The following LHFPL4 variants were observed in gnomAD, a reference collection of about 807,000 sequenced individuals.
LHFPL4 encodes LHFPL tetraspan subfamily member 4 protein.
LHFPL4 carries 6 observed loss-of-function variants against 20.0 expected under a neutral mutation model. The observed-to-expected ratio is 0.30, with a 90% CI of 0.16 to 0.59. The LOEUF is 0.59. LHFPL4 is among the 20% of genes least tolerant of loss of function. The pLI is 0.88. For synonymous variants in LHFPL4, 129 were observed against 143.8 expected (o/e 0.90, Z 0.74); for missense variants, 215 against 331.2 (o/e 0.65, Z 2.72).
chr3:9,510,939 AAAATAAATAAAT>A (rs201323329), intron 2 of LHFPL4, among the ~76,000 whole-genome samples: 174 of 147,556 alleles, frequency 1.2e-3, no homozygotes, highest in East Asian at 3.2e-3. Context: ...CTCCATCTCA[AAAATAAATAAAT>A]AAATAAATAA....
chr3:9,540,675 T>C (rs902876313), intron 2 of LHFPL4, among the ~76,000 whole-genome samples: 3 of 151,976 alleles, frequency 2.0e-5, no homozygotes, highest in Non-Finnish European at 4.4e-5. Context: ...GGAGGACTGC[T>C]TGAGCTCAGG....
chr3:9,511,997 A>G (rs183255162), intron 2 of LHFPL4, among the ~76,000 whole-genome samples: 43 of 151,600 alleles, frequency 2.8e-4, no homozygotes, highest in African/African-American at 9.2e-4. Flanking sequence ...CAGTGGCGCA[A>G]TCTCGGCTCA....
intron 2 of LHFPL4, among the ~76,000 whole-genome samples, chr3:9,518,041 T>C (rs1371482771): frequency 6.6e-6 from 1 of 152,148 alleles, no homozygotes; most frequent in Non-Finnish European, 1.5e-5. Flanking sequence ...TTAAATATAA[T>C]GTCTGTTGTA....
At chr3:9,525,497 A>C (rs1202643023) in intron 2 of LHFPL4, among the ~76,000 whole-genome samples, 1 of 152,214 alleles carries the variant, frequency 6.6e-6, no homozygotes, top group Non-Finnish European at 1.5e-5. Flanking sequence ...TGGATCTAGC[A>C]AGAGTGTTTA....
chr3:9,531,853 C>T (rs960016628), intron 2 of LHFPL4, among the ~76,000 whole-genome samples: 20 of 151,068 alleles, frequency 1.3e-4, no homozygotes, highest in African/African-American at 4.9e-4. Flanking sequence ...AAGGAGAGTT[C>T]AAAGGAAGAT....
chr3:9,546,524 T>G (rs1305864911), intron 2 of LHFPL4, among the ~76,000 whole-genome samples: 1 of 152,056 alleles, frequency 6.6e-6, no homozygotes, highest in Non-Finnish European at 1.5e-5. Flanking sequence ...TGAATGAATG[T>G]GGTCAGAACC....
chr3:9,552,182 AATCT>A, intron 2 of LHFPL4, 88 bp downstream of exon 2: 1 of 1,488,826 alleles, frequency 6.7e-7, no homozygotes, highest in Non-Finnish European at 9.0e-7. Context: ...AGAGAAGCAG[AATCT>A]ATCCGACTCC....
At chr3:9,547,633 G>T (rs1392624954) in intron 2 of LHFPL4, among the ~76,000 whole-genome samples, 5 of 152,160 alleles carry the variant, frequency 3.3e-5, no homozygotes, top group African/African-American at 9.7e-5. Flanking sequence ...CTGGCACATT[G>T]GATATTCTTA....
At chr3:9,536,595 A>G (rs960199006) in intron 2 of LHFPL4, among the ~76,000 whole-genome samples, 1 of 152,110 alleles carries the variant, frequency 6.6e-6, no homozygotes, top group Non-Finnish European at 1.5e-5. Context: ...CCTTCAAACT[A>G]GTTTCTCTGC....
chr3:9,512,725 A>G (rs2046269420), intron 2 of LHFPL4, among the ~76,000 whole-genome samples: 1 of 152,160 alleles, frequency 6.6e-6, no homozygotes, highest in South Asian at 2.1e-4. Context: ...ATATAAACAG[A>G]TTCATAAGGA....
chr3:9,539,820 T>A (rs577217738), intron 2 of LHFPL4, among the ~76,000 whole-genome samples: 1 of 151,948 alleles, frequency 6.6e-6, no homozygotes, highest in Non-Finnish European at 1.5e-5. Context: ...AGTTTAAAAA[T>A]ATATATATAA....
chr3:9,549,156 GA>G (rs1389882378), intron 2 of LHFPL4, among the ~76,000 whole-genome samples: 1 of 152,064 alleles, frequency 6.6e-6, no homozygotes, highest in Non-Finnish European at 1.5e-5. Context: ...ATTTGCCACT[GA>G]AAAACTGCTG....
At position 9,511,299 on chromosome 3, in the gene LHFPL4, G is replaced by A. The variant is rs912495410; in HGVS notation, c.407-5096C>T. ...CCAGGAGATGGAGCTTGCAGTGAGC[G>A]GGGATCATGCCACTGCACTCCAGCC... On this transcript the variant is annotated intron_variant, in intron 2 of 3. Transcript: ENST00000287585. 1.2e-4 allele frequency among the ~76,000 whole-genome samples: 18 copies of A among 151,466 alleles called. 1 individual carries two copies. The highest frequency in any genetic ancestry group is 7.9e-4 in the Admixed American group (12 of 15,180).
intron 2 of LHFPL4, among the ~76,000 whole-genome samples, chr3:9,524,086 G>A (rs970801202): frequency 5.3e-5 from 8 of 149,874 alleles, no homozygotes; most frequent in African/African-American, 2.0e-4. Context: ...TAGGTAAGAT[G>A]TTTGTTTTTT....
chr3:9,546,111 C>T (rs566370590), intron 2 of LHFPL4, among the ~76,000 whole-genome samples: 6 of 151,770 alleles, frequency 4.0e-5, no homozygotes, highest in South Asian at 4.2e-4. Flanking sequence ...GTCAGCAGTT[C>T]GAGACCAGCC....
chr3:9,541,040 A>G (rs993739851), intron 2 of LHFPL4, among the ~76,000 whole-genome samples: 3 of 152,036 alleles, frequency 2.0e-5, no homozygotes, highest in African/African-American at 7.2e-5. Flanking sequence ...CCTGGGTTCA[A>G]GCGATTCTCC....
In LHFPL4 at chr3:9,546,688, G is replaced by A. The variant is rs951866988; in HGVS notation, c.406+5586C>T. On this transcript the variant is annotated intron_variant, in intron 2 of 3. Coordinates refer to ENST00000287585, the MANE Select transcript of LHFPL4 (RefSeq NM_198560.3). ...TTGATAAGACTCTTTCCAGCTGACA[G>A]TTTATGCCTTCTTAAGCCCTTTGGT... 3.3e-5 allele frequency among the ~76,000 whole-genome samples: 5 copies of A among 152,204 alleles called. 1 individual carries two copies. The South Asian group carries it at 1.0e-3, about 32-fold the overall frequency.
intron 2 of LHFPL4, among the ~76,000 whole-genome samples, chr3:9,526,439 G>A (rs768253661): frequency 5.9e-5 from 9 of 152,104 alleles, no homozygotes; most frequent in East Asian, 1.9e-4. Flanking sequence ...GAATGTCCCC[G>A]TACAAATCTG....
Position 9,552,626 on chromosome 3 carries a change from G to T in LHFPL4, c.54C>A (p.Asn18Lys). ...SKLYHEHYMR[N>K]SRAIGVLWAI... is the part of the protein sequence containing the mutation. ...CCCACAGCACGCCGATGGCCCGCGA[G>T]TTCCGCATGTAGTGCTCGTGGTAGA... is the stretch of plus-strand genomic sequence containing the variant. The change falls in exon 2 of 4, where the codon AAC becomes AAA. Residue 18 changes from asparagine (N) to lysine (K), a missense_variant. Coordinates refer to ENST00000287585, the MANE Select transcript of LHFPL4 (RefSeq NM_198560.3). The T allele has an allele frequency of 6.2e-7, 1 of 1,613,770 alleles. No homozygotes were observed. The highest frequency in any genetic ancestry group is 8.5e-7 in the Non-Finnish European group (1 of 1,179,908).
Sources: allele counts gnomAD v4.1 joint callset (sites outside exome capture counted in the v4.1 genomes callset), GRCh38; gene constraint gnomAD v4.1.1; transcripts MANE v1.5; gene names NCBI Gene and HGNC (gene_info 2026-07-23, HGNC 2026-07-21).